The following HOMER2 variants were observed in gnomAD, a reference collection of about 807,000 sequenced individuals.
HOMER2 encodes the protein homer protein homolog 2.
In HOMER2, 27 loss-of-function variants were observed where a neutral mutation model predicts 47.0. The ratio of observed to expected loss-of-function variants is 0.57; its 90% confidence interval spans 0.42 to 0.79. The LOEUF (loss-of-function observed/expected upper bound fraction) is 0.79. Ranked by LOEUF, HOMER2 falls within the 30% of genes least tolerant of loss-of-function variation. HOMER2 has a pLI of 0.00. For synonymous variants in HOMER2, 161 were observed against 163.8 expected (o/e 0.98, Z 0.13); for missense variants, 443 against 435.0 (o/e 1.02, Z -0.16).
chr15:82,868,184 ATTG>A (rs773218730), intron 3 of HOMER2, among the ~76,000 whole-genome samples: 22 of 151,468 alleles, frequency 1.5e-4, no homozygotes, highest in Non-Finnish European at 2.2e-4. Flanking sequence ...TGGTTTTTTT[ATTG>A]TTGTTGTTGT....
At chr15:82,861,779 G>A (rs1404226202) in intron 4 of HOMER2, among the ~76,000 whole-genome samples, 4 of 152,182 alleles carry the variant, frequency 2.6e-5, no homozygotes, top group African/African-American at 9.7e-5. Context: ...GGCCGAGGCA[G>A]GCAGATCGCC....
intron 6 of HOMER2, among the ~76,000 whole-genome samples, chr15:82,853,433 GAA>G (rs1156747902): frequency 1.3e-5 from 2 of 152,154 alleles, no homozygotes; most frequent in Non-Finnish European, 2.9e-5. Flanking sequence ...GCACCAAGAT[GAA>G]AAAATGACAC....
chr15:82,946,846 A>G (rs2054394186), intron 1 of HOMER2, among the ~76,000 whole-genome samples: 1 of 152,178 alleles, frequency 6.6e-6, no homozygotes, highest in Non-Finnish European at 1.5e-5. Context: ...TGGCTGTGTA[A>G]CCATCAGTGT....
chr15:82,922,900 C>G (rs574329945), intron 1 of HOMER2, among the ~76,000 whole-genome samples: 68 of 152,220 alleles, frequency 4.5e-4, no homozygotes, highest in African/African-American at 1.6e-3. Context: ...TCCAGAATGC[C>G]CCCTGCTCAT....
At chr15:82,976,684 T>TG (rs954421533) in intron 1 of HOMER2, among the ~76,000 whole-genome samples, 8 of 150,146 alleles carry the variant, frequency 5.3e-5, no homozygotes, top group African/African-American at 1.7e-4. Flanking sequence ...TGTGGTTTTT[T>TG]TTTTTTTTTT....
At chr15:82,865,510 C>G (rs1193415659) in intron 3 of HOMER2, among the ~76,000 whole-genome samples, 2 of 152,210 alleles carry the variant, frequency 1.3e-5, no homozygotes, top group Non-Finnish European at 2.9e-5. Context: ...TGGTTCTGGT[C>G]TTCAAAGGAG....
At chr15:82,836,251 A>C (rs1201230003), downstream of HOMER2, 2 of 152,220 alleles carry the variant, frequency 1.3e-5, no homozygotes, top group African/African-American at 4.8e-5. Flanking sequence ...GGAAGTGGGG[A>C]CAAGTGTCTC....
chr15:82,891,516 C>T (rs1025778831), intron 2 of HOMER2, among the ~76,000 whole-genome samples: 1 of 152,162 alleles, frequency 6.6e-6, no homozygotes, highest in African/African-American at 2.4e-5. Context: ...GCTCTCGTGC[C>T]TTCCCTGGGA....
intron 3 of HOMER2, among the ~76,000 whole-genome samples, chr15:82,864,574 A>G (rs1196685853): frequency 2.6e-5 from 4 of 152,216 alleles, no homozygotes; most frequent in Non-Finnish European, 5.9e-5. Flanking sequence ...CATAATCCAT[A>G]CCGAAAAGAT....
intron 3 of HOMER2, 24 bp downstream of exon 3, chr15:82,875,249 G>T: frequency 1.2e-6 from 2 of 1,611,554 alleles, no homozygotes; most frequent in Non-Finnish European, 1.7e-6. Flanking sequence ...GGGATTTACT[G>T]CACTGTGGAT....
At chr15:82,981,131 A>G (rs2030381326) in intron 1 of HOMER2, among the ~76,000 whole-genome samples, 1 of 152,216 alleles carries the variant, frequency 6.6e-6, no homozygotes, top group Non-Finnish European at 1.5e-5. Flanking sequence ...CAGAGGATGC[A>G]CTGGCCAAAG....
intron 1 of HOMER2, among the ~76,000 whole-genome samples, chr15:82,907,079 G>A (rs1456842918): frequency 2.6e-5 from 4 of 152,340 alleles, no homozygotes; most frequent in African/African-American, 9.6e-5. Flanking sequence ...CCGAGGCTGG[G>A]TGCGGTGGCT....
chr15:82,860,956 T>TGTGAGAGAGAGAGA (rs1555420264), intron 4 of HOMER2, among the ~76,000 whole-genome samples: 21 of 42,438 alleles, frequency 4.9e-4, no homozygotes, highest in African/African-American at 1.6e-3. Context: ...AGATAGAAGA[T>TGTGAGAGAGAGAGA]GAGAGAGAGA....
At chr15:82,932,500 C>CAAA (rs111788972) in intron 1 of HOMER2, among the ~76,000 whole-genome samples, 2 of 122,668 alleles carry the variant, frequency 1.6e-5, no homozygotes, top group East Asian at 4.7e-4. Context: ...GACTCTGTCT[C>CAAA]AAAAAAAAAA....
intron 1 of HOMER2, among the ~76,000 whole-genome samples, chr15:82,980,618 G>A (rs2030360085): frequency 6.6e-6 from 1 of 152,052 alleles, no homozygotes; most frequent in South Asian, 2.1e-4. Context: ...ACCCCTGACT[G>A]ACCATCACAT....
chr15:82,852,270 C>T lies in HOMER2; in HGVS notation c.652-18G>A, dbSNP rs376535550. 1.5e-5 allele frequency: 23 copies of T among 1,566,454 alleles called. No homozygotes were observed. The African/African-American group carries it at 1.9e-4, about 13-fold the overall frequency. ...TCATCAATCTTCAATACACACCACA[C>T]AGGAAAGCAGGGACGCCAGCTTAAC... On this transcript the variant is annotated intron_variant, in intron 6 of 8. Transcript: ENST00000450735.
intron 6 of HOMER2, among the ~76,000 whole-genome samples, chr15:82,854,256 T>C (rs1364646556): frequency 6.6e-6 from 1 of 151,752 alleles, no homozygotes; most frequent in Non-Finnish European, 1.5e-5. Context: ...AATACAAAAA[T>C]TAGCCAGGCA....
intron 1 of HOMER2, among the ~76,000 whole-genome samples, chr15:82,897,581 G>T (rs980000889): frequency 2.0e-5 from 3 of 152,084 alleles, no homozygotes; most frequent in Non-Finnish European, 4.4e-5. Flanking sequence ...AAAGGTGATG[G>T]GATGTCATTT....
chr15:82,969,856 T>C (rs959874919), intron 1 of HOMER2, among the ~76,000 whole-genome samples: 9 of 152,206 alleles, frequency 5.9e-5, no homozygotes, highest in African/African-American at 1.7e-4. Flanking sequence ...TAAAAAACTC[T>C]ATAAATGAAA....
Sources: allele counts gnomAD v4.1 joint callset (sites outside exome capture counted in the v4.1 genomes callset), GRCh38; gene constraint gnomAD v4.1.1; transcripts MANE v1.5; gene names NCBI Gene and HGNC (gene_info 2026-07-23, HGNC 2026-07-21).